Variants in CTNNA3 observed in about 807,000 individuals in gnomAD.
The protein encoded by CTNNA3 is catenin alpha-3.
CTNNA3 carries 76 observed loss-of-function variants against 95.7 expected under a neutral mutation model. The ratio of observed to expected loss-of-function variants is 0.79; its 90% CI spans 0.66 to 0.96. The LOEUF is 0.96. Ranked by LOEUF, CTNNA3 falls within the 40% of genes least tolerant of loss-of-function variation. The probability of loss-of-function intolerance (pLI) is 0.00; values close to 1 mark genes in which losing one functional copy is unlikely to be tolerated. For synonymous variants in CTNNA3, 431 were observed against 374.4 expected, an observed-to-expected ratio of 1.15 and a Z score of -1.74; for missense variants, 1,191 against 1,089.8, an observed-to-expected ratio of 1.09 and a Z score of -1.31.
In CTNNA3 at chr10:67,530,509, A is replaced by G. The variant is rs144310498; in HGVS notation, c.460-8548T>C. 4.3e-3 allele frequency among the ~76,000 whole-genome samples: 650 copies of G among 152,336 alleles called. 16 individuals are homozygous for G. In the East Asian group the frequency reaches 0.069, roughly 16 times the overall value. The stretch of plus-strand genomic sequence containing the variant: ...GATTTGTGGAAATTTGAACTTGAGA[A>G]AGATGATTTAGAGTATCTGGTTTAA... On this transcript the variant is annotated intron_variant, in intron 4 of 17. Transcript: ENST00000433211.
intron 13 of CTNNA3, among the ~76,000 whole-genome samples, chr10:66,233,530 T>C (rs1462618535): frequency 1.3e-5 from 2 of 152,114 alleles, no homozygotes; most frequent in Non-Finnish European, 2.9e-5. Context: ...CTTTACAAAA[T>C]AGAAATTTAC....
At chr10:66,973,488 C>T (rs1209286621) in intron 7 of CTNNA3, among the ~76,000 whole-genome samples, 1 of 152,126 alleles carries the variant, frequency 6.6e-6, no homozygotes, top group Non-Finnish European at 1.5e-5. Flanking sequence ...GGTAACCAAG[C>T]AATTCTATAT....
chr10:66,167,138 T>C (rs1342956807), intron 13 of CTNNA3, among the ~76,000 whole-genome samples: 3 of 151,922 alleles, frequency 2.0e-5, no homozygotes, highest in African/African-American at 4.8e-5. Flanking sequence ...AAAGGTACCA[T>C]GAAATAAGAG....
chr10:66,573,295 G>A (rs1237072725), intron 10 of CTNNA3, among the ~76,000 whole-genome samples: 1 of 152,046 alleles, frequency 6.6e-6, no homozygotes, highest in Admixed American at 6.5e-5. Flanking sequence ...CTAATGATAT[G>A]CATTATTTCT....
intron 10 of CTNNA3, among the ~76,000 whole-genome samples, chr10:66,605,504 T>C (rs542758376): frequency 6.2e-4 from 94 of 152,088 alleles, no homozygotes; most frequent in Middle Eastern, 3.4e-3. Context: ...AGACATACAA[T>C]CATCAGATTC....
intron 10 of CTNNA3, among the ~76,000 whole-genome samples, chr10:66,522,969 A>G (rs148005806): frequency 0.01 from 1,545 of 152,230 alleles, 63 homozygotes; most frequent in Non-Finnish European, 4.9e-3. Context: ...TTGGAGGTAG[A>G]AGACGGAAAA....
At chr10:66,551,610 A>G (rs1314327525) in intron 10 of CTNNA3, among the ~76,000 whole-genome samples, 3 of 152,116 alleles carry the variant, frequency 2.0e-5, no homozygotes, top group Non-Finnish European at 4.4e-5. Context: ...TGTCTTATAA[A>G]TTATCAAATT....
rs1491100281 is a variant in CTNNA3 at position 66,360,665 on chromosome 10, TCC to T, written c.1732+18485_1732+18486del. Among the ~76,000 whole-genome samples, 38 of 56,598 alleles carry T rather than the reference TCC, an allele frequency of 6.7e-4. 1 individual carries two copies. Among genetic ancestry groups the T allele is most frequent in the African/African-American group, 1.7e-3 (31 of 18,172 alleles). The allele number at this position is 56,598 out of a possible 152,430, so 37.1% of individuals were successfully genotyped here. On this transcript the variant is annotated intron_variant, in intron 12 of 17. Coordinates refer to ENST00000433211, the MANE Select transcript of CTNNA3 (RefSeq NM_013266.4). ...TTTCTTTCTTTCTTTCTTTCTTCCT[TCC>T]TTCCTTCCTTCCTTCCTTCCTTCCT...
At chr10:67,716,424 C>T (rs1486656366) in intron 1 of CTNNA3, among the ~76,000 whole-genome samples, 1 of 151,076 alleles carries the variant, frequency 6.6e-6, no homozygotes. Context: ...CTGTACCCAC[C>T]AACCCATTAT....
intron 14 of CTNNA3, among the ~76,000 whole-genome samples, chr10:66,097,320 AAGCACATCAGG>A (rs2081435011): frequency 6.6e-6 from 1 of 152,174 alleles, no homozygotes; most frequent in African/African-American, 2.4e-5. Context: ...TAAAAAGTCA[AAGCACATCAGG>A]AGCACACAAA....
At chr10:66,977,301 TGGCTGGTACCTGTA>T (rs1850099908) in intron 7 of CTNNA3, among the ~76,000 whole-genome samples, 1 of 152,050 alleles carries the variant, frequency 6.6e-6, no homozygotes, top group South Asian at 2.1e-4. Flanking sequence ...CTGGGTGTGG[TGGCTGGTACCTGTA>T]GTCCCAGCTA....
At chr10:67,300,253 T>C (rs990292306) in intron 5 of CTNNA3, among the ~76,000 whole-genome samples, 5 of 152,182 alleles carry the variant, frequency 3.3e-5, no homozygotes, top group African/African-American at 4.8e-5. Context: ...TGTGGCTTGT[T>C]GTAATTTCAA....
chr10:66,253,788 A>T (rs2090652185), intron 13 of CTNNA3, among the ~76,000 whole-genome samples: 1 of 152,158 alleles, frequency 6.6e-6, no homozygotes, highest in South Asian at 2.1e-4. Flanking sequence ...ATGAATTATT[A>T]AAAAGGAACT....
intron 14 of CTNNA3, among the ~76,000 whole-genome samples, chr10:66,073,227 G>A (rs531303861): frequency 3.3e-5 from 5 of 152,156 alleles, no homozygotes; most frequent in African/African-American, 4.8e-5. Context: ...TGACTACAGT[G>A]AATAGTAAAT....
chr10:65,951,982 A>G (rs1434821909), intron 17 of CTNNA3, among the ~76,000 whole-genome samples: 1 of 142,442 alleles, frequency 7.0e-6, no homozygotes. Context: ...GTGAGCCGAG[A>G]TGGCACCATT....
intron 11 of CTNNA3, among the ~76,000 whole-genome samples, chr10:66,453,263 T>C (rs1018146438): frequency 2.6e-5 from 4 of 151,966 alleles, no homozygotes; most frequent in African/African-American, 9.7e-5. Flanking sequence ...TCAGGGAGGC[T>C]GACTTGAGTA....
At chr10:67,640,515 A>G (rs1280866474) in intron 2 of CTNNA3, among the ~76,000 whole-genome samples, 5 of 152,246 alleles carry the variant, frequency 3.3e-5, no homozygotes, top group African/African-American at 1.2e-4. Flanking sequence ...TTTAAAGTTC[A>G]TATGGAACCA....
chr10:66,749,315 G>C (rs1002258987), intron 9 of CTNNA3, among the ~76,000 whole-genome samples: 1 of 151,250 alleles, frequency 6.6e-6, no homozygotes, highest in African/African-American at 2.4e-5. Flanking sequence ...CACCGTTGCA[G>C]TATCCTACAA....
chr10:66,588,737 A>G (rs1843445758), intron 10 of CTNNA3, among the ~76,000 whole-genome samples: 2 of 152,174 alleles, frequency 1.3e-5, no homozygotes, highest in Non-Finnish European at 1.5e-5. Context: ...ATGGGAATAA[A>G]AGACAAGAAA....
Sources: allele counts gnomAD v4.1 joint callset (sites outside exome capture counted in the v4.1 genomes callset), GRCh38; gene constraint gnomAD v4.1.1; transcripts MANE v1.5; gene names NCBI Gene and HGNC (gene_info 2026-07-23, HGNC 2026-07-21).